Variants in TTC39A observed in about 807,000 individuals in gnomAD.
The protein encoded by TTC39A is tetratricopeptide repeat protein 39A.
TTC39A carries 46 observed loss-of-function variants against 82.3 expected under a neutral mutation model. The ratio of observed to expected loss-of-function variants is 0.56; its 90% CI spans 0.44 to 0.71. The LOEUF is 0.71. Among genes scored for constraint, TTC39A ranks in the 30% least tolerant of loss-of-function variants. The pLI is 0.00. For missense variants in TTC39A, 543 were observed against 712.9 expected, an observed-to-expected ratio of 0.76 and a Z score of 2.71; for synonymous variants, 254 against 275.2, an observed-to-expected ratio of 0.92 and a Z score of 0.76.
intron 1 of TTC39A, among the ~76,000 whole-genome samples, chr1:51,327,616 A>G (rs955712752): frequency 1.3e-5 from 2 of 152,140 alleles, no homozygotes; most frequent in African/African-American, 4.8e-5. Context: ...GGTTTTTGTG[A>G]AGAATGACTA....
chr1:51,324,644 C>G (rs61782063), intron 1 of TTC39A, among the ~76,000 whole-genome samples: 5,684 of 152,184 alleles, frequency 0.037, 150 homozygotes, highest in Non-Finnish European at 0.056. Context: ...GCCTCAGCCT[C>G]CCAAGCAGCT....
intron 13 of TTC39A, 38 bp downstream of exon 13, chr1:51,296,041 G>A (rs1262608020): frequency 6.5e-7 from 1 of 1,547,694 alleles, no homozygotes; most frequent in Admixed American, 1.9e-5. Context: ...TACACGGTGG[G>A]AGTGGCCTAC....
intron 1 of TTC39A, among the ~76,000 whole-genome samples, chr1:51,323,597 C>G (rs904005842): frequency 6.6e-6 from 1 of 152,180 alleles, no homozygotes; most frequent in African/African-American, 2.4e-5. Flanking sequence ...CTCTTGGGCT[C>G]TCTGTTAGAT....
intron 12 of TTC39A, chr1:51,299,796 A>C (rs79010065): frequency 0.032 from 4,908 of 152,420 alleles, 133 homozygotes; most frequent in Non-Finnish European, 0.05. Context: ...AGGCTTCGAG[A>C]GTCACTTTCA....
At chr1:51,339,248 G>A (rs59407929) in intron 1 of TTC39A, among the ~76,000 whole-genome samples, 3 of 152,252 alleles carry the variant, frequency 2.0e-5, no homozygotes, top group East Asian at 1.9e-4. Flanking sequence ...CCAGTTCCAC[G>A]TGGATGGGGT....
upstream of TTC39A, among the ~76,000 whole-genome samples, chr1:51,332,298 G>A (rs1038151894): frequency 2.6e-5 from 4 of 152,146 alleles, no homozygotes; most frequent in African/African-American, 9.7e-5. Flanking sequence ...TGTTACCCAG[G>A]CTGGAGTGCA....
intron 5 of TTC39A, chr1:51,309,569 GC>G: frequency 1.3e-6 from 1 of 793,620 alleles, no homozygotes; most frequent in Non-Finnish European, 1.8e-6. Flanking sequence ...GAGGGGCCAC[GC>G]CCAGTGATTA....
rs143848549 is a variant in TTC39A, at chr1:51,315,932, T to C, written c.147-2989A>G. ...AGGGCCTGTGCCTAAAAAGGGCCCA[T>C]GTTTGGTTTAATTCTCTGCTGTCAC... On this transcript the variant is annotated intron_variant, in intron 2 of 17. Transcript: ENST00000680483. 4.8e-3 allele frequency among the ~76,000 whole-genome samples: 725 copies of C among 152,302 alleles called. 4 individuals carry two copies. Among genetic ancestry groups the C allele is most frequent in the African/African-American group, 0.016 (665 of 41,568 alleles).
chr1:51,298,364 C>G (rs1421403709), intron 12 of TTC39A: 1 of 152,778 alleles, frequency 6.5e-6, no homozygotes, highest in Non-Finnish European at 1.5e-5. Context: ...AGGACCTGCC[C>G]TAACCTTTCT....
chr1:51,311,773 C>T (rs1433363738), intron 4 of TTC39A, among the ~76,000 whole-genome samples: 1 of 152,216 alleles, frequency 6.6e-6, no homozygotes, highest in Non-Finnish European at 1.5e-5. Flanking sequence ...CCTCTGGGGC[C>T]CATGCGATCA....
At chr1:51,301,918 T>C in intron 11 of TTC39A, 185 bp from the exon 12 acceptor site, 1 of 763,076 alleles carries the variant, frequency 1.3e-6, no homozygotes, top group Non-Finnish European at 2.1e-6. Flanking sequence ...TTTTACCTCC[T>C]AAGTCTTACA....
chr1:51,288,399 C>G lies in TTC39A; in HGVS notation c.1611-119G>C, dbSNP rs1217357056. 1.3e-6 allele frequency: 2 copies of G among 1,505,864 alleles called. No individual in the cohort carries two copies. Among genetic ancestry groups the G allele is most frequent in the Admixed American group, 1.9e-5 (1 of 53,506 alleles). The allele number at this position is 1,505,864 out of a possible 1,614,324, so 93.3% of individuals were successfully genotyped here. On this transcript the variant is annotated intron_variant, in intron 17 of 17. Coordinates refer to ENST00000680483, the MANE Select transcript of TTC39A (RefSeq NM_001297663.2). This position sits in a 1 kb window ranked among gnomAD's most constrained non-coding sequence, Gnocchi z 4.8. ...AAGGATTGTAGAGAAATTAATGTGT[C>G]CAGAGAGAGTTGAGCCCTACCCAAT...
chr1:51,311,525 G>T (rs1645081396), intron 4 of TTC39A, among the ~76,000 whole-genome samples: 1 of 152,204 alleles, frequency 6.6e-6, no homozygotes, highest in Non-Finnish European at 1.5e-5. Flanking sequence ...CACCACTGTA[G>T]GTGCTGTGTA....
intron 2 of TTC39A, among the ~76,000 whole-genome samples, chr1:51,315,283 C>A (rs1029136523): frequency 2.6e-5 from 4 of 152,162 alleles, no homozygotes; most frequent in Non-Finnish European, 4.4e-5. Context: ...TGGAAGCCCC[C>A]AACTCTAGTC....
At chr1:51,305,801 C>T (rs971633969) in intron 7 of TTC39A, among the ~76,000 whole-genome samples, 176 bp downstream of exon 7, 1 of 152,168 alleles carries the variant, frequency 6.6e-6, no homozygotes, top group Non-Finnish European at 1.5e-5. Flanking sequence ...CCCACACCAC[C>T]CCCACCCCAG....
chr1:51,342,183 T>C (rs149962918), intron 1 of TTC39A, among the ~76,000 whole-genome samples: 1 of 152,326 alleles, frequency 6.6e-6, no homozygotes, highest in East Asian at 1.9e-4. Flanking sequence ...CATTGTAAGA[T>C]GCATGGGCGT....
chr1:51,297,346 T>G (rs896806686), intron 12 of TTC39A: 1 of 152,644 alleles, frequency 6.6e-6, no homozygotes, highest in African/African-American at 2.4e-5. Context: ...GCCTCCTGAA[T>G]AGCTGGGACT....
At chr1:51,339,603 A>G (rs1333207885) in intron 1 of TTC39A, among the ~76,000 whole-genome samples, 1 of 151,776 alleles carries the variant, frequency 6.6e-6, no homozygotes, top group Non-Finnish European at 1.5e-5. Context: ...TCTGTCCCTC[A>G]CTCCCTTCTT....
In TTC39A at chr1:51,301,559, G is replaced by A; in HGVS notation, c.1053+13C>T. On this transcript the variant is annotated intron_variant, in intron 12 of 17. Transcript: ENST00000680483. ...TGGTCACCCAATGCCCCTAACACGT[G>A]GCATCAGCCCACCTTGGACCAGCAG... The A allele has an allele frequency of 1.3e-6, 2 of 1,590,556 alleles. No individual in the cohort carries two copies. The highest frequency in any genetic ancestry group is 2.3e-5 in the East Asian group (1 of 43,860).
Sources: gnomAD v4.1 joint callset for allele counts (sites outside exome capture counted in the v4.1 genomes callset) on GRCh38, gnomAD v4.1.1 for gene constraint, Gnocchi (gnomAD v3.1) non-coding constraint, MANE v1.5 for transcripts, NCBI Gene and HGNC (gene_info 2026-07-23, HGNC 2026-07-21) for gene names.